SLC17A5: variants seen among roughly 807,000 people sequenced by gnomAD.
The protein encoded by SLC17A5 is solute carrier family 17 member 5.
SLC17A5 carries 47 observed loss-of-function variants against 59.4 expected under a neutral mutation model. The ratio of observed to expected loss-of-function variants is 0.79; its 90% CI spans 0.63 to 1.01. The LOEUF (loss-of-function observed/expected upper bound fraction) is 1.01. Ranked by LOEUF, SLC17A5 falls within the 50% of genes least tolerant of loss-of-function variation. The pLI is 0.00. For missense variants in SLC17A5, 522 were observed against 595.5 expected (o/e 0.88, Z 1.28); for synonymous variants, 202 against 210.7 (o/e 0.96, Z 0.36).
chr6:73,602,134 C>T (rs1160189781), intron 9 of SLC17A5, among the ~76,000 whole-genome samples: 1 of 151,546 alleles, frequency 6.6e-6, no homozygotes, highest in Non-Finnish European at 1.5e-5. Flanking sequence ...GATCGGTGAC[C>T]TTACCCCCAA....
intron 7 of SLC17A5, among the ~76,000 whole-genome samples, chr6:73,619,592 A>C (rs955096756): frequency 6.6e-6 from 1 of 152,110 alleles, no homozygotes; most frequent in Non-Finnish European, 1.5e-5. Context: ...ATTTTCAAGA[A>C]AAAAAATCAA....
chr6:73,641,872 A>T lies in SLC17A5; in HGVS notation c.344T>A (p.Phe115Tyr), dbSNP rs1307244700. 6.2e-7 allele frequency: 1 copy of T among 1,614,258 alleles called. No homozygotes were observed. The change falls in exon 3 of 11, where the codon TTT becomes TAT. Residue 115 changes from phenylalanine to tyrosine, a missense_variant. Transcript: ENST00000355773. ...AETQGWILGS[F>Y]FYGYIITQIP... is the part of the protein sequence containing the mutation. ...CTGTGTGATGATGTAGCCATAAAAA[A>T]AGGAACCGAGAATCCATCCTTGAGT...
At chr6:73,612,909 C>A (rs554898777) in intron 8 of SLC17A5, among the ~76,000 whole-genome samples, 1 of 152,194 alleles carries the variant, frequency 6.6e-6, no homozygotes, top group South Asian at 2.1e-4. Context: ...AAATAATTAG[C>A]TGGGTGCTGT....
intron 10 of SLC17A5, among the ~76,000 whole-genome samples, chr6:73,596,594 C>A (rs1336244119): frequency 6.6e-6 from 1 of 151,768 alleles, no homozygotes; most frequent in African/African-American, 2.4e-5. Flanking sequence ...TGGTGGATCA[C>A]GCCTGTAATC....
At chr6:73,601,424 C>G (rs1380353645) in intron 9 of SLC17A5, among the ~76,000 whole-genome samples, 2 of 132,864 alleles carry the variant, frequency 1.5e-5, no homozygotes, top group African/African-American at 5.5e-5. Context: ...GGGGGTCAGC[C>G]CCGCGCCCGG....
chr6:73,635,779 C>G lies in SLC17A5; in HGVS notation c.701-279G>C, dbSNP rs525041. Among the ~76,000 whole-genome samples, 24,512 of 147,980 alleles carry G rather than the reference C, an allele frequency of 0.17. 3,047 individuals carry two copies. The highest frequency in any genetic ancestry group is 0.35 in the African/African-American group (14,120 of 40,422). ...TTTTTGAGATAGAGTCTTGCTCTGT[C>G]TCACAGGCTGGAGTGCAGTGACGTG... On this transcript the variant is annotated intron_variant, in intron 5 of 10. Transcript: ENST00000355773.
chr6:73,614,215 C>A (rs1043916107), intron 8 of SLC17A5, among the ~76,000 whole-genome samples: 1 of 152,042 alleles, frequency 6.6e-6, no homozygotes, highest in African/African-American at 2.4e-5. Flanking sequence ...TGCAGTGAGT[C>A]AAGATCATGC....
chr6:73,610,536 G>A lies in SLC17A5; in HGVS notation c.1123C>T (p.Pro375Ser). 2 of 1,614,028 alleles carry A rather than the reference G, an allele frequency of 1.2e-6. No homozygotes were observed. Among genetic ancestry groups the A allele is most frequent in the Non-Finnish European group, 1.7e-6 (2 of 1,179,996 alleles). Residue 375 changes from proline (P) to serine (S), a missense_variant, in exon 9 of 11, where the codon CCT becomes TCT. Pro to Ser is a moderately conservative substitution (Grantham distance 74). Coordinates refer to ENST00000355773, the MANE Select transcript of SLC17A5 (RefSeq NM_012434.5). Reference sequence around the variant, plus strand: ...CCAGCAGCTACCAGGAATACTGCAGGTCCAATCATTCCTGGAGTTAAAAAG... The same window carrying A: ...CCAGCAGCTACCAGGAATACTGCAGATCCAATCATTCCTGGAGTTAAAAAG... ...RIFSLIGMIG[P>S]AVFLVAAGFI... is the part of the protein sequence containing the mutation.
chr6:73,628,296 C>T (rs966194589), intron 6 of SLC17A5, among the ~76,000 whole-genome samples: 12 of 152,114 alleles, frequency 7.9e-5, no homozygotes, highest in Non-Finnish European at 1.6e-4. Flanking sequence ...CGTGGCTGGG[C>T]GTGGTGGCTC....
chr6:73,596,128 G>C (rs13207999), intron 10 of SLC17A5, among the ~76,000 whole-genome samples: 37,261 of 151,756 alleles, frequency 0.25, 4,961 homozygotes, highest in Non-Finnish European at 0.3. Context: ...TTTAAAAAAA[G>C]TTATACTTCA....
intron 1 of SLC17A5, among the ~76,000 whole-genome samples, chr6:73,650,369 C>A (rs1357367149): frequency 6.6e-6 from 1 of 151,048 alleles, no homozygotes; most frequent in Non-Finnish European, 1.5e-5. Context: ...ATTAGCCGGG[C>A]GTGGTGGCGG....
At chr6:73,646,545 A>G (rs1041614511) in intron 1 of SLC17A5, among the ~76,000 whole-genome samples, 1 of 152,202 alleles carries the variant, frequency 6.6e-6, no homozygotes, top group African/African-American at 2.4e-5. Context: ...CTAAAGTTCT[A>G]TTCACATTGT....
chr6:73,629,484 A>G (rs1218345164), intron 6 of SLC17A5, among the ~76,000 whole-genome samples: 2 of 152,070 alleles, frequency 1.3e-5, no homozygotes, highest in African/African-American at 4.8e-5. Context: ...TTAAGAAAAG[A>G]AGAAGAAGCC....
intron 9 of SLC17A5, among the ~76,000 whole-genome samples, chr6:73,601,900 G>T (rs1221906995): frequency 6.6e-6 from 1 of 151,760 alleles, no homozygotes; most frequent in South Asian, 2.1e-4. Context: ...GGGAAGTGAG[G>T]AGCCCCTCTG....
chr6:73,638,528 T>A (rs778235018), intron 3 of SLC17A5, 29 bp from the exon 4 acceptor site: 3 of 1,547,060 alleles, frequency 1.9e-6, no homozygotes, highest in Non-Finnish European at 2.7e-6. Context: ...ATATTTCTGA[T>A]GAAATGTAAG....
At chr6:73,598,155 CGTT>C (rs1388061515) in intron 10 of SLC17A5, among the ~76,000 whole-genome samples, 1 of 152,164 alleles carries the variant, frequency 6.6e-6, no homozygotes, top group Non-Finnish European at 1.5e-5. Context: ...TAAAATCAAT[CGTT>C]GTACTACAAG....
intron 2 of SLC17A5, 95 bp from the exon 3 acceptor site, chr6:73,642,019 T>C (rs553861373): frequency 8.0e-6 from 9 of 1,121,664 alleles, no homozygotes; most frequent in Non-Finnish European, 1.2e-5. Flanking sequence ...AAATGAGATT[T>C]TGAACCACTA....
intron 3 of SLC17A5, 118 bp downstream of exon 3, chr6:73,641,573 C>A (rs1050505173): frequency 1.7e-5 from 13 of 764,376 alleles, no homozygotes; most frequent in Non-Finnish European, 2.8e-5. Flanking sequence ...AAAAAATAAA[C>A]CCCTGTTATC....
chr6:73,599,957 G>A (rs1442262262), intron 10 of SLC17A5, among the ~76,000 whole-genome samples: 2 of 151,988 alleles, frequency 1.3e-5, no homozygotes, highest in African/African-American at 2.4e-5. Flanking sequence ...CCACCACACC[G>A]GCTAATTTTT....
Sources: allele counts gnomAD v4.1 joint callset (sites outside exome capture counted in the v4.1 genomes callset), GRCh38; gene constraint gnomAD v4.1.1; transcripts MANE v1.5; gene names NCBI Gene and HGNC (gene_info 2026-07-23, HGNC 2026-07-21).